PAX6: variants seen among roughly 807,000 people sequenced by gnomAD.
PAX6 encodes paired box 6, also known as paired box protein Pax-6.
PAX6 carries 7 observed loss-of-function variants against 60.7 expected under a neutral mutation model. That is an observed-to-expected ratio of 0.12 (90% CI 0.07 to 0.22). PAX6 has a LOEUF of 0.22. Among genes scored for constraint, PAX6 ranks in the 10% least tolerant of loss-of-function variants. The pLI is 1.00. For missense variants in PAX6, 355 were observed against 555.2 expected (o/e 0.64, Z 3.62); for synonymous variants, 208 against 201.2 (o/e 1.03, Z -0.29).
chr11:31,794,584 C>T (rs1372328712), intron 9 of PAX6, 46 bp downstream of exon 9: 1 of 1,596,720 alleles, frequency 6.3e-7, no homozygotes, highest in Non-Finnish European at 8.6e-7. Flanking sequence ...GAAGATGTGG[C>T]ATTTACTTTG....
In PAX6 at chr11:31,789,912, C is replaced by CTTTTTTTT. The variant is rs759391101; in HGVS notation, c.*14_*21dup. 169 of 1,046,390 alleles carry CTTTTTTTT rather than the reference C, an allele frequency of 1.6e-4. No individual in the cohort carries two copies. Among genetic ancestry groups the CTTTTTTTT allele is most frequent in the East Asian group, 5.4e-4 (21 of 38,832 alleles). 64.8% of individuals were successfully genotyped at this position (1,046,390 alleles called of 1,614,324 possible). On this transcript the variant is annotated 3_prime_UTR_variant, in exon 14 of 14. Coordinates refer to ENST00000640368, the MANE Select transcript of PAX6 (RefSeq NM_001368894.2). ...CTGAATTAACACAATATTTCCTTTC[C>CTTTTTTTT]TTTTTTTTTTTTTTTTTTTTTTTAC...
intron 3 of PAX6, 159 bp downstream of exon 3, chr11:31,806,690 C>T (rs557612495): frequency 3.7e-5 from 19 of 510,218 alleles, no homozygotes; most frequent in African/African-American, 2.7e-4. Flanking sequence ...CAATCTGTTT[C>T]CCCTACATTC....
intron 4 of PAX6, chr11:31,805,817 C>CGT (rs1201712897): frequency 6.5e-6 from 1 of 153,238 alleles, no homozygotes; most frequent in African/African-American, 2.4e-5. Context: ...CCCAGTAAAC[C>CGT]GTGCTCTCTC....
At chr11:31,809,312 A>C (rs1956545515) in intron 2 of PAX6, 2 of 152,238 alleles carry the variant, frequency 1.3e-5, no homozygotes, top group South Asian at 4.1e-4. Flanking sequence ...CGCCAGGCTC[A>C]AGCTCTTTGC....
Position 31,800,720 on chromosome 11 carries a change from C to G in PAX6, c.536G>C (p.Gly179Ala), listed in dbSNP as rs760865122. 6.2e-7 allele frequency: 1 copy of G among 1,614,072 alleles called. No homozygotes were observed. The highest frequency in any genetic ancestry group is 8.5e-7 in the Non-Finnish European group (1 of 1,180,034). Residue 179 changes from glycine (G) to alanine (A), a missense_variant, in exon 8 of 14, where the codon GGG (glycine) becomes GCG (alanine). Gly to Ala is a moderately conservative substitution (Grantham distance 60, BLOSUM62 0). Around this residue, in one of 5 missense-constraint regions of PAX6, gnomAD observed 143 missense variants for 183.6 expected, o/e 0.78. Coordinates refer to ENST00000640368, the MANE Select transcript of PAX6 (RefSeq NM_001368894.2). ...CGTAGGTTGCCCTGGCACCGAAGTC[C>G]CCGGATACCAACCAGGGCGGGTGCC... ...SWGTRPGWYP[G>A]TSVPGQPTQD...
rs1236902487 is a variant in PAX6, at chr11:31,806,440, C to T, written c.-29G>A. The T allele has an allele frequency of 2.5e-6, 4 of 1,606,484 alleles. No homozygotes were observed. The African/African-American group carries it at 5.3e-5, about 21-fold the overall frequency. ...GGCTCTGGCTGGGGGCCGCGGGATT[C>T]CACGGGGCTCGAATATGGGGCTCTG... On this transcript the variant is annotated 5_prime_UTR_variant, in exon 4 of 14. It introduces an in-frame stop codon into an upstream open reading frame of the 5' UTR. Coordinates refer to ENST00000640368, the MANE Select transcript of PAX6 (RefSeq NM_001368894.2).
intron 7 of PAX6, chr11:31,801,188 A>G: frequency 1.6e-6 from 2 of 1,212,410 alleles, no homozygotes; most frequent in Non-Finnish European, 2.2e-6. Flanking sequence ...GCTTTCTTTC[A>G]TTATATTGTT....
At chr11:31,812,984 A>T (rs1957190642), upstream of PAX6, 3 of 152,080 alleles carry the variant, frequency 2.0e-5, no homozygotes, top group African/African-American at 7.3e-5. Context: ...CCTGCCTGGG[A>T]CCCAGCAGCC....
upstream of PAX6, among the ~76,000 whole-genome samples, chr11:31,815,296 C>G (rs1957325498): frequency 6.6e-6 from 1 of 152,158 alleles, no homozygotes; most frequent in Non-Finnish European, 1.5e-5. Flanking sequence ...CTGTGACGAT[C>G]CCCCCATCTC....
At chr11:31,790,162 A>G in intron 13 of PAX6, 143 bp from the exon 14 acceptor site, 1 of 665,708 alleles carries the variant, frequency 1.5e-6, no homozygotes, top group South Asian at 2.0e-5. Context: ...AAATCACTTC[A>G]ATTGTTACAA....
chr11:31,800,600 G>GGAA, intron 8 of PAX6, 91 bp downstream of exon 8: 1 of 1,458,092 alleles, frequency 6.9e-7, no homozygotes, highest in Non-Finnish European at 9.6e-7. Flanking sequence ...CCCCAAGCAT[G>GGAA]GAAGCCCTGA....
intron 4 of PAX6, chr11:31,805,211 G>A (rs748247195): frequency 3.3e-5 from 5 of 152,262 alleles, no homozygotes; most frequent in Non-Finnish European, 7.3e-5. Flanking sequence ...TCAGGGCTGC[G>A]CGCCCTGGCT....
intron 8 of PAX6, 54 bp from the exon 9 acceptor site, chr11:31,794,842 C>T (rs1268762010): frequency 2.6e-6 from 4 of 1,545,406 alleles, no homozygotes; most frequent in Non-Finnish European, 1.8e-6. Flanking sequence ...TTGGAGCCTC[C>T]AAAAGGGGCC....
chr11:31,800,860 C>A lies in PAX6; in HGVS notation c.400-4G>T. Reference sequence around the variant, plus strand: ...GAACTCTGTTTATTGATGACACCTGCAAATCAAACCAAAATCAAACCAAAT... The same window carrying A: ...GAACTCTGTTTATTGATGACACCTGAAAATCAAACCAAAATCAAACCAAAT... On this transcript the variant is annotated splice_region_variant and splice_polypyrimidine_tract_variant and intron_variant, in intron 7 of 13. Coordinates refer to ENST00000640368, the MANE Select transcript of PAX6 (RefSeq NM_001368894.2). 6.2e-6 allele frequency: 10 copies of A among 1,613,900 alleles called. No homozygotes were observed. Among genetic ancestry groups the A allele is most frequent in the Non-Finnish European group, 8.5e-6 (10 of 1,179,904 alleles).
chr11:31,815,029 T>TCTCTCTCTCTCTCTCTCTCTCTC (rs1491542936), upstream of PAX6: 1 of 143,616 alleles, frequency 7.0e-6, no homozygotes, highest in African/African-American at 2.6e-5. Flanking sequence ...TCTCTCTCTC[T>TCTCTCTCTCTCTCTCTCTCTCTC]TTCTCTCTCT....
intron 8 of PAX6, among the ~76,000 whole-genome samples, chr11:31,797,691 G>A (rs1952055954): frequency 6.6e-6 from 1 of 152,056 alleles, no homozygotes; most frequent in Non-Finnish European, 1.5e-5. Context: ...TACATAAAAT[G>A]GGTACATTTC....
At chr11:31,795,974 C>T (rs1039885817) in intron 8 of PAX6, among the ~76,000 whole-genome samples, 4 of 152,224 alleles carry the variant, frequency 2.6e-5, no homozygotes, top group Non-Finnish European at 4.4e-5. Context: ...TGGTGGGAAT[C>T]GACTTGGCCA....
intron 8 of PAX6, among the ~76,000 whole-genome samples, chr11:31,795,553 T>C (rs1951215125): frequency 6.6e-6 from 1 of 152,256 alleles, no homozygotes; most frequent in Non-Finnish European, 1.5e-5. Context: ...TTTTAACGTG[T>C]AATTTTAAAA....
chr11:31,800,476 T>C (rs1037494217), intron 8 of PAX6: 1 of 678,046 alleles, frequency 1.5e-6, no homozygotes, highest in African/African-American at 1.8e-5. Context: ...ATACCGCTCC[T>C]GACATACACA....
Sources: gnomAD v4.1 joint callset for allele counts (sites outside exome capture counted in the v4.1 genomes callset) on GRCh38, gnomAD v4.1.1 for gene constraint, gnomAD v4.1.1 regional missense constraint, MANE v1.5 for transcripts, NCBI Gene and HGNC (gene_info 2026-07-23, HGNC 2026-07-21) for gene names.